Variants in AFF4 observed in about 807,000 individuals in gnomAD.
AFF4 encodes the protein ALF transcription elongation factor 4, also known as AF4/FMR2 family member 4.
Under a neutral mutation model 124.8 loss-of-function variants are expected in AFF4, and 13 were observed. The ratio of observed to expected loss-of-function variants is 0.10; its 90% CI spans 0.07 to 0.17. The LOEUF (loss-of-function observed/expected upper bound fraction) is 0.17, where lower values mean the gene tolerates loss of function less well. Among genes scored for constraint, AFF4 ranks in the 10% least tolerant of loss-of-function variants. The pLI is 1.00. For synonymous variants in AFF4, 477 were observed against 496.1 expected (o/e 0.96, Z 0.51); for missense variants, 1,092 against 1,403.8 (o/e 0.78, Z 3.55).
chr5:132,954,524 GGT>G (rs1761910273), intron 1 of AFF4, among the ~76,000 whole-genome samples: 1 of 151,774 alleles, frequency 6.6e-6, no homozygotes, highest in African/African-American at 2.4e-5. Context: ...AGCCCCAGAG[GGT>G]GTGTGTTACA....
chr5:132,938,022 T>A (rs1028517919), intron 1 of AFF4, among the ~76,000 whole-genome samples: 1 of 151,870 alleles, frequency 6.6e-6, no homozygotes, highest in Non-Finnish European at 1.5e-5. Context: ...TAGTAAAGGC[T>A]GGCAAACTCT....
chr5:132,926,177 A>C, intron 5 of AFF4: 1 of 441,954 alleles, frequency 2.3e-6, no homozygotes, highest in Non-Finnish European at 4.5e-6. Context: ...TAATGATTAT[A>C]TATGTATTAC....
intron 6 of AFF4, among the ~76,000 whole-genome samples, chr5:132,903,622 G>A (rs1760605005): frequency 6.6e-6 from 1 of 152,116 alleles, no homozygotes; most frequent in Admixed American, 6.5e-5. Flanking sequence ...GTAAAGGTGA[G>A]GGTATAGCAG....
chr5:132,912,575 G>C lies in AFF4; in HGVS notation c.1051-8171C>G, dbSNP rs1023353984. Among the ~76,000 whole-genome samples, 5 of 152,054 alleles carry C rather than the reference G, an allele frequency of 3.3e-5. 1 individual carries two copies. The highest frequency in any genetic ancestry group is 6.6e-5 in the Admixed American group (1 of 15,248). On this transcript the variant is annotated intron_variant, in intron 5 of 20. Coordinates refer to ENST00000265343, the MANE Select transcript of AFF4 (RefSeq NM_014423.4). ...AGGGTCTCACTATGTTGCCAAGGCT[G>C]GTCTCAAACTCCTGGACTCAAGTGA... is the stretch of plus-strand genomic sequence containing the variant.
rs34337170 is a variant in AFF4 at position 132,958,465 on chromosome 5, C to CAAAAAAAA, written c.-5+4786_-5+4793dup. Among the ~76,000 whole-genome samples, 304 of 55,706 alleles carry CAAAAAAAA rather than the reference C, an allele frequency of 5.5e-3. 20 individuals are homozygous for CAAAAAAAA. Among genetic ancestry groups the CAAAAAAAA allele is most frequent in the African/African-American group, 0.025 (295 of 11,748 alleles). The allele number at this position is 55,706 out of a possible 152,430, so 36.5% of individuals were successfully genotyped here. A position where few individuals can be genotyped will look rare whatever the true frequency, so the allele number is the denominator to read the frequency against. On this transcript the variant is annotated intron_variant, in intron 1 of 20. Coordinates refer to ENST00000265343, the MANE Select transcript of AFF4 (RefSeq NM_014423.4). ...TGGATGACAGAGTGAGACCCTGTCT[C>CAAAAAAAA]AAAAAAAAAAAAAAAAAAAAAAAAG...
At position 132,877,846 on chromosome 5, in the gene AFF4, A is replaced by AT. The variant is rs1219741519; in HGVS notation, c.*3212dup. The stretch of plus-strand genomic sequence containing the variant: ...CTTTAATGAAAAGAAACGAACAACA[A>AT]TTTTTTAAAAACTAGTGAATCTAAT... On this transcript the variant is annotated 3_prime_UTR_variant, in exon 21 of 21. Transcript: ENST00000265343. 9.1e-6 allele frequency: 2 copies of AT among 219,092 alleles called. No homozygotes were observed. Among genetic ancestry groups the AT allele is most frequent in the Non-Finnish European group, 1.8e-5 (2 of 109,088 alleles). The allele number at this position is 219,092 out of a possible 1,614,324, so 13.6% of individuals were successfully genotyped here.
At chr5:132,911,938 G>C (rs1459228847) in intron 5 of AFF4, among the ~76,000 whole-genome samples, 1 of 151,722 alleles carries the variant, frequency 6.6e-6, no homozygotes, top group Non-Finnish European at 1.5e-5. Flanking sequence ...AGTTGCAAGG[G>C]GGCAAGGTCC....
chr5:132,911,834 A>C (rs1308195787), intron 5 of AFF4, among the ~76,000 whole-genome samples: 1 of 151,676 alleles, frequency 6.6e-6, no homozygotes, highest in Non-Finnish European at 1.5e-5. Flanking sequence ...TTAAAAAAAA[A>C]CTTAAAGACC....
rs987337410 is a variant in AFF4 at position 132,904,237 on chromosome 5, AAAAAG to A, written c.1087+126_1087+130del. 2.0e-5 allele frequency: 18 copies of A among 879,912 alleles called. No individual in the cohort carries two copies. The African/African-American group carries it at 2.7e-4, about 13-fold the overall frequency. 54.5% of individuals were successfully genotyped at this position (879,912 alleles called of 1,614,324 possible). On this transcript the variant is annotated intron_variant, in intron 6 of 20. Coordinates refer to ENST00000265343, the MANE Select transcript of AFF4 (RefSeq NM_014423.4). ...ACACCACTACACTCCAGAAAAAAAA[AAAAAG>A]AAAACAAAAATGAAAAAGGATATGA...
chr5:132,920,168 G>A (rs1193993691), intron 5 of AFF4, among the ~76,000 whole-genome samples: 1 of 151,782 alleles, frequency 6.6e-6, no homozygotes, highest in Non-Finnish European at 1.5e-5. Flanking sequence ...CCCTGCCTCA[G>A]TCTCCCGAGT....
Position 132,927,216 on chromosome 5 carries a change from T to C in AFF4, c.964-9A>G. 1 of 1,608,080 alleles carries C rather than the reference T, an allele frequency of 6.2e-7. No individual in the cohort carries two copies. Among genetic ancestry groups the C allele is most frequent in the Non-Finnish European group, 8.5e-7 (1 of 1,177,442 alleles). ...CATGAATGCGTCATCTCCTGAAATGTAATTATTACAGTTTGTTTTCAACCA... is the reference window on the plus strand; with the variant it reads ...CATGAATGCGTCATCTCCTGAAATGCAATTATTACAGTTTGTTTTCAACCA... On this transcript the variant is annotated splice_polypyrimidine_tract_variant and intron_variant, in intron 4 of 20. Coordinates refer to ENST00000265343, the MANE Select transcript of AFF4 (RefSeq NM_014423.4).
At chr5:132,885,248 ACGTGTG>A (rs992788338) in intron 18 of AFF4, 129 bp from the exon 19 acceptor site, 12 of 431,100 alleles carry the variant, frequency 2.8e-5, no homozygotes, top group African/African-American at 1.3e-4. Flanking sequence ...ACACCAAAAT[ACGTGTG>A]TGTGTGTGTG....
chr5:132,923,009 T>C (rs1422524592), intron 5 of AFF4, among the ~76,000 whole-genome samples: 6 of 151,586 alleles, frequency 4.0e-5, no homozygotes, highest in Non-Finnish European at 5.9e-5. Context: ...ACCTCGCCTC[T>C]ACTAAAAACA....
At chr5:132,909,931 G>A (rs1000400299) in intron 5 of AFF4, among the ~76,000 whole-genome samples, 10 of 152,176 alleles carry the variant, frequency 6.6e-5, no homozygotes, top group Non-Finnish European at 4.4e-5. Flanking sequence ...GAAGCACCTA[G>A]GTAAAGAGGT....
chr5:132,943,692 C>T (rs1761628259), intron 1 of AFF4: 3 of 250,738 alleles, frequency 1.2e-5, no homozygotes, highest in East Asian at 9.4e-5. Context: ...ACATCAAGAA[C>T]GTATCTGTCA....
chr5:132,918,475 A>C (rs557013722), intron 5 of AFF4, among the ~76,000 whole-genome samples: 1 of 152,284 alleles, frequency 6.6e-6, no homozygotes, highest in African/African-American at 2.4e-5. Context: ...CACCCTCGTC[A>C]ACATGGTAAA....
chr5:132,932,950 C>T (rs77534952), intron 3 of AFF4, among the ~76,000 whole-genome samples: 163 of 152,298 alleles, frequency 1.1e-3, no homozygotes, highest in African/African-American at 3.9e-3. Flanking sequence ...AAATGAGTTT[C>T]CCAAGGCCAC....
At chr5:132,914,228 A>AAAAT (rs149175322) in intron 5 of AFF4, among the ~76,000 whole-genome samples, 30,922 of 151,168 alleles carry the variant, frequency 0.2, 3,427 homozygotes, top group African/African-American at 0.28. Context: ...ACTCCATCTA[A>AAAAT]AAATAAATAA....
chr5:132,920,126 T>C (rs1761009399), intron 5 of AFF4, among the ~76,000 whole-genome samples: 1 of 152,126 alleles, frequency 6.6e-6, no homozygotes, highest in South Asian at 2.1e-4. Context: ...CTTGGCTCAC[T>C]GCAACCTCCG....
Sources: allele counts gnomAD v4.1 joint callset (sites outside exome capture counted in the v4.1 genomes callset), GRCh38; gene constraint gnomAD v4.1.1; transcripts MANE v1.5; gene names NCBI Gene and HGNC (gene_info 2026-07-23, HGNC 2026-07-21).